Variants in CCDC91 observed in about 807,000 individuals in gnomAD.
The protein encoded by CCDC91 is coiled-coil domain containing 91.
In CCDC91, 48 loss-of-function variants were observed where a neutral mutation model predicts 63.2. The ratio of observed to expected loss-of-function variants is 0.76; its 90% CI spans 0.60 to 0.97. The LOEUF is 0.97. CCDC91 is among the 50% of genes least tolerant of loss of function. The probability of loss-of-function intolerance (pLI) is 0.00; values close to 1 mark genes in which losing one functional copy is unlikely to be tolerated. For missense variants in CCDC91, 500 were observed against 494.6 expected (o/e 1.01, Z -0.10); for synonymous variants, 167 against 165.8 (o/e 1.01, Z -0.06).
At chr12:28,305,019 C>G (rs1938555038) in intron 3 of CCDC91, among the ~76,000 whole-genome samples, 1 of 152,064 alleles carries the variant, frequency 6.6e-6, no homozygotes, top group South Asian at 2.1e-4. Flanking sequence ...ATTCAGCAAA[C>G]TTAAACTGAC....
At position 28,298,364 on chromosome 12, in the gene CCDC91, T is replaced by G. The variant is rs73263476; in HGVS notation, c.110-7285T>G. On this transcript the variant is annotated intron_variant, in intron 3 of 12. Transcript: ENST00000536442. ...TTGGTCTGTTGCTGATTGTTGAGTT[T>G]TTTTTTTTTTTTTCCCCCCACAAAA... Among the ~76,000 whole-genome samples the G allele has an allele frequency of 1.6e-3, 222 of 137,374 alleles. 1 individual carries two copies. Among genetic ancestry groups the G allele is most frequent in the African/African-American group, 5.4e-3 (212 of 39,274 alleles). 90.1% of individuals were successfully genotyped at this position (137,374 alleles called of 152,430 possible). A position where few individuals can be genotyped will look rare whatever the true frequency, so the allele number is the denominator to read the frequency against.
chr12:28,408,344 A>G (rs1161064638), intron 8 of CCDC91, among the ~76,000 whole-genome samples: 2 of 152,194 alleles, frequency 1.3e-5, no homozygotes, highest in Non-Finnish European at 2.9e-5. Context: ...ATAGTATTCC[A>G]TAGTATATAT....
At chr12:28,367,786 T>G (rs937662808) in intron 7 of CCDC91, among the ~76,000 whole-genome samples, 1 of 152,220 alleles carries the variant, frequency 6.6e-6, no homozygotes, top group Non-Finnish European at 1.5e-5. Flanking sequence ...GAGGATTTTT[T>G]TTTTTAATTC....
At position 28,452,571 on chromosome 12, in the gene CCDC91, T is replaced by C. The variant is rs150771394; in HGVS notation, c.1018T>C (p.Trp340Arg). 6.9e-6 allele frequency: 11 copies of C among 1,591,666 alleles called. No individual in the cohort carries two copies. Among genetic ancestry groups the C allele is most frequent in the African/African-American group, 5.4e-5 (4 of 73,534 alleles). Residue 340 changes from tryptophan to arginine, a missense_variant, in exon 11 of 13, where the codon TGG (tryptophan) becomes CGG (arginine). Physicochemically the swap from Trp to Arg is moderately radical, Grantham distance 101 (BLOSUM62 -3). Coordinates refer to ENST00000536442, the MANE Select transcript of CCDC91 (RefSeq NM_018318.5). ...AGCGCATGCTGAAGAAAGGGAATTA[T>C]GGAAGACAGAACATGCAAAAGATCA... Reference protein sequence around the residue: ...EKAHAEERELWKTEHAKDQEK... With the variant: ...EKAHAEERELRKTEHAKDQEK...
chr12:28,410,027 A>C (rs1947219596), intron 8 of CCDC91, among the ~76,000 whole-genome samples: 1 of 152,124 alleles, frequency 6.6e-6, no homozygotes, highest in East Asian at 1.9e-4. Flanking sequence ...TTTTGTATAA[A>C]TATCATTTAG....
intron 11 of CCDC91, among the ~76,000 whole-genome samples, chr12:28,479,504 A>T (rs985201486): frequency 6.6e-6 from 1 of 152,128 alleles, no homozygotes; most frequent in African/African-American, 2.4e-5. Flanking sequence ...TAGGAGATAT[A>T]CCTAATGTAA....
chr12:28,505,200 G>C (rs1325910467), intron 12 of CCDC91, among the ~76,000 whole-genome samples: 2 of 151,850 alleles, frequency 1.3e-5, no homozygotes, highest in Non-Finnish European at 2.9e-5. Context: ...AATTTGGGAT[G>C]CGGGAAAACT....
At chr12:28,342,087 G>A (rs758790344) in intron 6 of CCDC91, among the ~76,000 whole-genome samples, 1 of 152,014 alleles carries the variant, frequency 6.6e-6, no homozygotes, top group Non-Finnish European at 1.5e-5. Context: ...TAAAAATATC[G>A]AACCTTTTCT....
intron 7 of CCDC91, among the ~76,000 whole-genome samples, chr12:28,369,146 A>G (rs1218829944): frequency 6.6e-6 from 1 of 152,214 alleles, no homozygotes; most frequent in African/African-American, 2.4e-5. Context: ...CCCAAAGTCC[A>G]AGTCCAAAGT....
chr12:28,336,792 C>T (rs1026611942), intron 6 of CCDC91, among the ~76,000 whole-genome samples: 1 of 152,040 alleles, frequency 6.6e-6, no homozygotes, highest in African/African-American at 2.4e-5. Context: ...GTAATATTCC[C>T]ATTCCTGAAA....
intron 12 of CCDC91, among the ~76,000 whole-genome samples, chr12:28,500,404 A>T (rs1479221077): frequency 6.6e-6 from 1 of 152,156 alleles, no homozygotes; most frequent in East Asian, 1.9e-4. Context: ...TGTTTTAGTC[A>T]TGAAGTCTTT....
At chr12:28,288,647 T>G (rs571314523) in intron 3 of CCDC91, among the ~76,000 whole-genome samples, 1 of 152,302 alleles carries the variant, frequency 6.6e-6, no homozygotes. Context: ...AATAATTATT[T>G]TTCGTTGTAT....
rs12765369 is a variant in CCDC91, at chr12:28,201,288, G to A, written c.-15+10647G>A. 4.0e-5 allele frequency among the ~76,000 whole-genome samples: 6 copies of A among 148,764 alleles called. No individual in the cohort carries two copies. The East Asian group carries it at 6.1e-4, about 15-fold the overall frequency. Reference sequence around the variant, plus strand: ...CTTCTCAGACGGGCGGTTGCCAGGCGGAGGGTCTCCTCACTTCTCAGACGG... The same window carrying A: ...CTTCTCAGACGGGCGGTTGCCAGGCAGAGGGTCTCCTCACTTCTCAGACGG... On this transcript the variant is annotated intron_variant, in intron 1 of 12. Coordinates refer to ENST00000536442, the MANE Select transcript of CCDC91 (RefSeq NM_018318.5).
At chr12:28,543,243 C>A (rs1942755615) in intron 12 of CCDC91, among the ~76,000 whole-genome samples, 1 of 152,066 alleles carries the variant, frequency 6.6e-6, no homozygotes, top group African/African-American at 2.4e-5. Flanking sequence ...CAAATAAGCT[C>A]ACATTCACAA....
intron 12 of CCDC91, among the ~76,000 whole-genome samples, chr12:28,518,455 T>TTTGATAATTGTATA (rs1940206357): frequency 6.6e-6 from 1 of 151,902 alleles, no homozygotes; most frequent in African/African-American, 2.4e-5. Context: ...TATTCATTCT[T>TTTGATAATTGTATA]TTGATAATTG....
At chr12:28,193,100 A>G (rs1010402753) in intron 1 of CCDC91, among the ~76,000 whole-genome samples, 62 of 152,308 alleles carry the variant, frequency 4.1e-4, no homozygotes, top group African/African-American at 1.4e-3. Flanking sequence ...GCTGAGTAGT[A>G]TTTCATTGTG....
chr12:28,481,705 C>T (rs11049656), intron 11 of CCDC91, among the ~76,000 whole-genome samples: 31,723 of 151,834 alleles, frequency 0.21, 4,339 homozygotes, highest in Non-Finnish European at 0.31. Flanking sequence ...AATTTATACA[C>T]GAGCAGTTTT....
intron 3 of CCDC91, among the ~76,000 whole-genome samples, chr12:28,294,891 T>A (rs1949465159): frequency 6.6e-6 from 1 of 152,180 alleles, no homozygotes. Flanking sequence ...GACCTAAACC[T>A]GCTTCTTTAT....
In CCDC91 at chr12:28,529,401, A is replaced by G. The variant is rs144855435; in HGVS notation, c.1216-19662A>G. Among the ~76,000 whole-genome samples the G allele has an allele frequency of 3.2e-3, 482 of 152,312 alleles. 1 individual carries two copies. Among genetic ancestry groups the G allele is most frequent in the Non-Finnish European group, 4.9e-3 (332 of 68,032 alleles). ...GGTGAAGTCAGTACCAAGACTGGCA[A>G]TGGCATCAGGGTCAGAGAGAGTTCT... is the stretch of plus-strand genomic sequence containing the variant. On this transcript the variant is annotated intron_variant, in intron 12 of 12. Coordinates refer to ENST00000536442, the MANE Select transcript of CCDC91 (RefSeq NM_018318.5).
Sources: allele counts gnomAD v4.1 joint callset (sites outside exome capture counted in the v4.1 genomes callset), GRCh38; gene constraint gnomAD v4.1.1; transcripts MANE v1.5; gene names NCBI Gene and HGNC (gene_info 2026-07-23, HGNC 2026-07-21).